GRIN2A: variants seen among roughly 807,000 people sequenced by gnomAD.
The protein encoded by GRIN2A is glutamate ionotropic receptor NMDA type subunit 2A, also known as glutamate receptor ionotropic, NMDA 2A.
In GRIN2A, 22 loss-of-function variants were observed where a neutral mutation model predicts 113.4. That is an observed-to-expected ratio of 0.19 (90% CI 0.14 to 0.28). GRIN2A has a LOEUF of 0.28. Among genes scored for constraint, GRIN2A ranks in the 10% least tolerant of loss-of-function variants. The pLI, the probability that GRIN2A is intolerant of heterozygous loss-of-function variation, is 1.00. For missense variants in GRIN2A, 1,502 were observed against 1,887.0 expected (o/e 0.80, Z 3.78); for synonymous variants, 827 against 738.4 (o/e 1.12, Z -1.94).
At chr16:9,968,981 ATAT>A (rs1301747185) in intron 2 of GRIN2A, among the ~76,000 whole-genome samples, 1 of 152,202 alleles carries the variant, frequency 6.6e-6, no homozygotes, top group Non-Finnish European at 1.5e-5. Flanking sequence ...TCAACTCACT[ATAT>A]TATCATTTTA....
intron 2 of GRIN2A, among the ~76,000 whole-genome samples, chr16:10,172,101 A>C (rs1349213213): frequency 6.6e-6 from 1 of 152,336 alleles, no homozygotes; most frequent in Non-Finnish European, 1.5e-5. Flanking sequence ...TGAGGCACAA[A>C]ATTTTCAGAG....
At position 9,760,912 on chromosome 16, in the gene GRIN2A, T is replaced by A; in HGVS notation, c.*2237A>T. ...TAGAAAGGGCTAAAAGGCTACACAG[T>A]CATGGAGATTCAGATTTAGGATCAG... On this transcript the variant is annotated 3_prime_UTR_variant, in exon 13 of 13. Transcript: ENST00000330684. 1 of 232,518 alleles carries A rather than the reference T, an allele frequency of 4.3e-6. No individual in the cohort carries two copies. Among genetic ancestry groups the A allele is most frequent in the Non-Finnish European group, 8.5e-6 (1 of 117,636 alleles). 14.4% of individuals were successfully genotyped at this position (232,518 alleles called of 1,614,324 possible).
At chr16:10,122,788 A>G (rs112190939) in intron 2 of GRIN2A, among the ~76,000 whole-genome samples, 78 of 152,212 alleles carry the variant, frequency 5.1e-4, no homozygotes, top group African/African-American at 1.5e-3. Context: ...TCCTTCCCCA[A>G]AATGAGGCGA....
At chr16:10,152,386 T>C (rs1249272091) in intron 2 of GRIN2A, among the ~76,000 whole-genome samples, 2 of 152,178 alleles carry the variant, frequency 1.3e-5, no homozygotes, top group African/African-American at 4.8e-5. Flanking sequence ...ATGGAAATGG[T>C]TTATTTTTGC....
chr16:10,039,632 G>A (rs1219348816), intron 2 of GRIN2A, among the ~76,000 whole-genome samples: 1 of 151,772 alleles, frequency 6.6e-6, no homozygotes, highest in East Asian at 1.9e-4. Context: ...GAGGGTCTGC[G>A]CGGGGAGGGT....
At chr16:9,825,125 G>A (rs1259712879) in intron 9 of GRIN2A, among the ~76,000 whole-genome samples, 1 of 152,208 alleles carries the variant, frequency 6.6e-6, no homozygotes, top group Non-Finnish European at 1.5e-5. Flanking sequence ...GGGTTCCCTT[G>A]CTGTGTAGGT....
At chr16:9,957,782 G>T (rs187955201) in intron 2 of GRIN2A, among the ~76,000 whole-genome samples, 1 of 152,106 alleles carries the variant, frequency 6.6e-6, no homozygotes, top group African/African-American at 2.4e-5. Flanking sequence ...TTGGTTTCTC[G>T]CATTTCCTGG....
chr16:10,109,943 C>T (rs988369741), intron 2 of GRIN2A, among the ~76,000 whole-genome samples: 2 of 151,834 alleles, frequency 1.3e-5, no homozygotes, highest in Non-Finnish European at 2.9e-5. Flanking sequence ...GGTACATGTG[C>T]ACAATGTGCA....
Position 9,875,205 on chromosome 16 carries a change from C to G in GRIN2A, c.1122+15781G>C, listed in dbSNP as rs183359717. Reference sequence around the variant, plus strand: ...GTGTGGGGGAATCAAAGTGGTGAATCTATAGCCCCTAGGCCATAATCATCA... The same window carrying G: ...GTGTGGGGGAATCAAAGTGGTGAATGTATAGCCCCTAGGCCATAATCATCA... On this transcript the variant is annotated intron_variant, in intron 4 of 12. Transcript: ENST00000330684. 4.8e-3 allele frequency among the ~76,000 whole-genome samples: 732 copies of G among 152,096 alleles called. 7 individuals carry two copies. The highest frequency in any genetic ancestry group is 0.017 in the African/African-American group (707 of 41,540).
chr16:10,075,967 C>T (rs982161538), intron 2 of GRIN2A, among the ~76,000 whole-genome samples: 18 of 152,200 alleles, frequency 1.2e-4, no homozygotes, highest in African/African-American at 3.9e-4. Context: ...TGCTTCTAGA[C>T]AGTGAGAAAA....
intron 4 of GRIN2A, among the ~76,000 whole-genome samples, chr16:9,856,456 TAA>T (rs546997832): frequency 6.8e-6 from 1 of 146,890 alleles, no homozygotes; most frequent in Non-Finnish European, 1.5e-5. Context: ...CCGTCTCTAC[TAA>T]AAAAAAAATA....
At chr16:9,906,424 T>G (rs2044029031) in intron 3 of GRIN2A, among the ~76,000 whole-genome samples, 1 of 152,214 alleles carries the variant, frequency 6.6e-6, no homozygotes, top group African/African-American at 2.4e-5. Flanking sequence ...TGTTTCTGGT[T>G]ACTTTCATTT....
At chr16:9,829,915 G>C (rs914378968) in intron 8 of GRIN2A, among the ~76,000 whole-genome samples, 4 of 152,112 alleles carry the variant, frequency 2.6e-5, no homozygotes, top group Admixed American at 2.6e-4. Flanking sequence ...ATGCAAAATG[G>C]GGGTTTGAAT....
chr16:10,134,939 CAA>C (rs58015055), intron 2 of GRIN2A, among the ~76,000 whole-genome samples: 1 of 151,894 alleles, frequency 6.6e-6, no homozygotes, highest in African/African-American at 2.4e-5. Flanking sequence ...AACGAACTAG[CAA>C]AAAAAAACTG....
At chr16:10,137,078 C>T (rs1044684538) in intron 2 of GRIN2A, among the ~76,000 whole-genome samples, 1 of 152,182 alleles carries the variant, frequency 6.6e-6, no homozygotes, top group Non-Finnish European at 1.5e-5. Flanking sequence ...CCACAAATCC[C>T]TACCGTTGGC....
chr16:9,819,916 C>A (rs1179410252), intron 10 of GRIN2A, among the ~76,000 whole-genome samples: 1 of 111,238 alleles, frequency 9.0e-6, no homozygotes, highest in Non-Finnish European at 1.7e-5. Context: ...AGCGAAACTC[C>A]GTCTCAAAAA....
intron 2 of GRIN2A, among the ~76,000 whole-genome samples, chr16:10,134,303 C>T (rs1441811393): frequency 6.6e-6 from 1 of 152,070 alleles, no homozygotes; most frequent in Non-Finnish European, 1.5e-5. Context: ...GAGCTTGAGG[C>T]TCTACCCTCT....
chr16:10,160,388 T>C (rs1196655506), intron 2 of GRIN2A, among the ~76,000 whole-genome samples: 1 of 152,194 alleles, frequency 6.6e-6, no homozygotes, highest in African/African-American at 2.4e-5. Context: ...GGTTGTAGAC[T>C]TGAGCAAGTT....
At chr16:10,177,876 C>T (rs1276233592) in intron 2 of GRIN2A, among the ~76,000 whole-genome samples, 1 of 152,218 alleles carries the variant, frequency 6.6e-6, no homozygotes, top group African/African-American at 2.4e-5. Flanking sequence ...TCCGGCTTCT[C>T]TCTGCCTACG....
Sources: gnomAD v4.1 joint callset for allele counts (sites outside exome capture counted in the v4.1 genomes callset) on GRCh38, gnomAD v4.1.1 for gene constraint, MANE v1.5 for transcripts, NCBI Gene and HGNC (gene_info 2026-07-23, HGNC 2026-07-21) for gene names.